HLCS: variants seen among roughly 807,000 people sequenced by gnomAD.
HLCS encodes the protein holocarboxylase synthetase.
Under a neutral mutation model 75.0 loss-of-function variants are expected in HLCS, and 53 were observed. The ratio of observed to expected loss-of-function variants is 0.71; its 90% CI spans 0.57 to 0.89. HLCS has a LOEUF of 0.89. Ranked by LOEUF, HLCS falls within the 40% of genes least tolerant of loss-of-function variation. HLCS has a pLI of 0.00. For missense variants in HLCS, 966 were observed against 1,074.0 expected, an observed-to-expected ratio of 0.90 and a Z score of 1.41; for synonymous variants, 431 against 428.6, an observed-to-expected ratio of 1.01 and a Z score of -0.07.
intron 6 of HLCS, among the ~76,000 whole-genome samples, chr21:36,813,050 T>C (rs1229077707): frequency 1.3e-5 from 2 of 152,132 alleles, no homozygotes; most frequent in African/African-American, 4.8e-5. Flanking sequence ...CAGAGCGAGA[T>C]TCTGTCTCAA....
In HLCS at chr21:36,937,232, T is replaced by C. The variant is rs2066934623; in HGVS notation, c.654A>G (p.Glu218=). 9 of 1,614,130 alleles carry C rather than the reference T, an allele frequency of 5.6e-6. No homozygotes were observed. The East Asian group carries it at 1.6e-4, about 28-fold the overall frequency. ...CACTGCCTCTCCTTTGTTTGGGTTC[T>C]TCACCAAGAGCCTTTGGGTCATCTC... ...VGRDDPKALG[E]EPKQRRGSAS... Residue 218 remains glutamate, a synonymous_variant, in exon 4 of 11, where the codon GAA becomes GAG. Coordinates refer to ENST00000674895, the MANE Select transcript of HLCS (RefSeq NM_001352514.2).
chr21:36,796,226 A>G, intron 6 of HLCS, among the ~76,000 whole-genome samples: 1 of 152,250 alleles, frequency 6.6e-6, no homozygotes, highest in Non-Finnish European at 1.5e-5. Flanking sequence ...ACTGAATTCA[A>G]TGCTACATCT....
chr21:36,771,628 C>T (rs544613155), intron 6 of HLCS, among the ~76,000 whole-genome samples: 3 of 152,140 alleles, frequency 2.0e-5, no homozygotes, highest in African/African-American at 4.8e-5. Context: ...AGATGACCAC[C>T]GGACACTTTT....
At chr21:36,770,631 G>C (rs1292456056) in intron 6 of HLCS, among the ~76,000 whole-genome samples, 3 of 149,766 alleles carry the variant, frequency 2.0e-5, no homozygotes, top group South Asian at 4.2e-4. Flanking sequence ...ATCTCAGCTA[G>C]AGTGCAGTGA....
rs1328919567 is a variant in HLCS at position 36,880,953 on chromosome 21, T to TG, written c.1892+15906_1892+15907insC. ...GGTTGGAAGCGATGCCAGCAGAGAG[T>TG]TTTTGTTTGTTTGTTTGTTTGTTTG... On this transcript the variant is annotated intron_variant, in intron 6 of 10. Transcript: ENST00000674895. Among the ~76,000 whole-genome samples the TG allele has an allele frequency of 5.1e-4, 69 of 136,528 alleles. No individual in the cohort carries two copies. The South Asian group carries it at 8.3e-3, about 16-fold the overall frequency. The allele number at this position is 136,528 out of a possible 152,430, so 89.6% of individuals were successfully genotyped here.
intron 10 of HLCS, 93 bp from the exon 11 acceptor site, chr21:36,754,510 G>A (rs1206197709): frequency 2.9e-6 from 4 of 1,369,400 alleles, no homozygotes; most frequent in Non-Finnish European, 4.0e-6. Flanking sequence ...AGAGAGCTGG[G>A]CGTGCTGGGG....
rs114685886 is a variant in HLCS at position 36,805,061 on chromosome 21, G to A, written c.1893-37776C>T. 9.9e-3 allele frequency among the ~76,000 whole-genome samples: 1,507 copies of A among 152,244 alleles called. 30 individuals carry two copies. Among genetic ancestry groups the A allele is most frequent in the African/African-American group, 0.034 (1,392 of 41,530 alleles). On this transcript the variant is annotated intron_variant, in intron 6 of 10. Coordinates refer to ENST00000674895, the MANE Select transcript of HLCS (RefSeq NM_001352514.2). The stretch of plus-strand genomic sequence containing the variant: ...AGAGATTAAGCAAGGCTACAAAATC[G>A]GTGAAGGATTCCGACTTTCCACTAC...
intron 9 of HLCS, 79 bp from the exon 10 acceptor site, chr21:36,756,834 C>T: frequency 2.5e-6 from 4 of 1,608,290 alleles, no homozygotes; most frequent in Non-Finnish European, 3.4e-6. Context: ...GAAAAAGTTA[C>T]AGTCTTGACT....
At chr21:36,850,693 T>G (rs2146136968) in intron 6 of HLCS, among the ~76,000 whole-genome samples, 1 of 152,284 alleles carries the variant, frequency 6.6e-6, no homozygotes, top group South Asian at 2.1e-4. Context: ...CGTAGCCACC[T>G]CTTAAGATTC....
chr21:36,947,692 A>G (rs2067469979), intron 2 of HLCS: 1 of 985,346 alleles, frequency 1.0e-6, no homozygotes, highest in South Asian at 4.7e-5. Flanking sequence ...GGCAGCAGGC[A>G]AGGCATATCT....
At chr21:36,776,238 T>C (rs1162017345) in intron 6 of HLCS, among the ~76,000 whole-genome samples, 1 of 152,198 alleles carries the variant, frequency 6.6e-6, no homozygotes, top group East Asian at 1.9e-4. Flanking sequence ...TTTTACCATA[T>C]ATGTTTTGTC....
rs2060964950 is a variant in HLCS, at chr21:36,794,428, C to CA, written c.1893-27144dup. 2.6e-5 allele frequency among the ~76,000 whole-genome samples: 4 copies of CA among 152,218 alleles called. No individual in the cohort carries two copies. In the South Asian group the frequency reaches 8.3e-4, roughly 32 times the overall value. ...GAGAGCATACCATGAAGACATGTGA[C>CA]AGAGGACTATTCCAGGCAGAGGCAG... On this transcript the variant is annotated intron_variant, in intron 6 of 10. Coordinates refer to ENST00000674895, the MANE Select transcript of HLCS (RefSeq NM_001352514.2).
At position 36,954,800 on chromosome 21, in the gene HLCS, T is replaced by C. The variant is rs138438682; in HGVS notation, c.330+7236A>G. ...AAAAACAGCTGGGTGTGGTGCCTCA[T>C]GCCTGTAATCCCAGCACTTTGGGAG... On this transcript the variant is annotated intron_variant, in intron 2 of 10. Transcript: ENST00000674895. 5.1e-3 allele frequency among the ~76,000 whole-genome samples: 770 copies of C among 151,746 alleles called. 8 individuals carry two copies. The highest frequency in any genetic ancestry group is 0.018 in the African/African-American group (727 of 41,376).
chr21:36,933,953 C>T (rs906323415), intron 4 of HLCS, among the ~76,000 whole-genome samples: 3 of 152,086 alleles, frequency 2.0e-5, no homozygotes, highest in African/African-American at 7.2e-5. Flanking sequence ...GGAAGATGGC[C>T]GCTGAAACCC....
At chr21:36,795,680 C>G (rs1056426511) in intron 6 of HLCS, among the ~76,000 whole-genome samples, 5 of 152,196 alleles carry the variant, frequency 3.3e-5, no homozygotes, top group African/African-American at 1.2e-4. Context: ...CCTGTCATAG[C>G]CTGAGACATC....
intron 6 of HLCS, among the ~76,000 whole-genome samples, chr21:36,888,440 AAAAAAATATAT>A (rs1569149041): frequency 4.3e-4 from 13 of 30,538 alleles, no homozygotes; most frequent in South Asian, 1.5e-3. Context: ...TTTAAAAAAA[AAAAAAATATAT>A]ATATATATAT....
chr21:36,808,545 A>T (rs2061423396), intron 6 of HLCS, among the ~76,000 whole-genome samples: 1 of 152,144 alleles, frequency 6.6e-6, no homozygotes, highest in Non-Finnish European at 1.5e-5. Flanking sequence ...AACTCTTCTC[A>T]CCATCGAGGT....
intron 6 of HLCS, among the ~76,000 whole-genome samples, chr21:36,868,274 GGAAA>G (rs140104266): frequency 0.03 from 4,072 of 135,438 alleles, 98 homozygotes; most frequent in Middle Eastern, 0.11. Context: ...AAGGAAGGAA[GGAAA>G]GAAAGAAAGA....
At chr21:36,989,042 A>G (rs58317119) in intron 1 of HLCS, among the ~76,000 whole-genome samples, 1 of 83,048 alleles carries the variant, frequency 1.2e-5, no homozygotes, top group Admixed American at 1.0e-4. Flanking sequence ...TTATTTATTT[A>G]TTTATTTTTT....
Sources: allele counts gnomAD v4.1 joint callset (sites outside exome capture counted in the v4.1 genomes callset), GRCh38; gene constraint gnomAD v4.1.1; transcripts MANE v1.5; gene names NCBI Gene and HGNC (gene_info 2026-07-23, HGNC 2026-07-21).